ATM: variants seen among roughly 807,000 people sequenced by gnomAD.
The protein encoded by ATM is serine-protein kinase ATM.
Under a neutral mutation model 387.0 loss-of-function variants are expected in ATM, and 308 were observed. The observed-to-expected ratio is 0.80, with a 90% CI of 0.73 to 0.87. The LOEUF (loss-of-function observed/expected upper bound fraction) is 0.87. Ranked by LOEUF, ATM falls within the 40% of genes least tolerant of loss-of-function variation. The pLI, the probability that ATM is intolerant of heterozygous loss-of-function variation, is 0.00. For missense variants in ATM, 3,312 were observed against 3,560.9 expected, an observed-to-expected ratio of 0.93 and a Z score of 1.78; for synonymous variants, 1,156 against 1,187.3, an observed-to-expected ratio of 0.97 and a Z score of 0.54.
At chr11:108,271,471 T>C (rs1235263920) in intron 20 of ATM, 65 bp downstream of exon 20, 2 of 1,549,730 alleles carry the variant, frequency 1.3e-6, no homozygotes, top group East Asian at 2.2e-5. Flanking sequence ...ATGCAAGTTT[T>C]GTATCCACAT....
chr11:108,360,641 T>A (rs925299272), intron 61 of ATM, among the ~76,000 whole-genome samples: 1 of 149,860 alleles, frequency 6.7e-6, no homozygotes, highest in African/African-American at 2.5e-5. Flanking sequence ...GCTGGTTCAA[T>A]ATATGCAAAT....
At chr11:108,278,373 C>T (rs1350491144) in intron 22 of ATM, among the ~76,000 whole-genome samples, 3 of 151,874 alleles carry the variant, frequency 2.0e-5, no homozygotes, top group Admixed American at 6.6e-5. Context: ...TAATATAAGA[C>T]TGAATTGAAT....
intron 16 of ATM, among the ~76,000 whole-genome samples, chr11:108,261,175 T>A (rs1178718627): frequency 6.6e-6 from 1 of 152,224 alleles, no homozygotes; most frequent in Non-Finnish European, 1.5e-5. Flanking sequence ...AGGCTCCACC[T>A]CTGGGGGCAG....
chr11:108,257,096 G>GAT (rs1303823179), intron 14 of ATM, among the ~76,000 whole-genome samples: 1 of 152,184 alleles, frequency 6.6e-6, no homozygotes, highest in Non-Finnish European at 1.5e-5. Context: ...TTGCCACACT[G>GAT]TCTTCCACAA....
At chr11:108,327,617 A>C (rs772581558) in intron 47 of ATM, 28 bp from the exon 48 acceptor site, 4 of 1,561,024 alleles carry the variant, frequency 2.6e-6, no homozygotes, top group Non-Finnish European at 2.6e-6. Context: ...AATGCATTAT[A>C]TTTTAAGATT....
intron 3 of ATM, 113 bp downstream of exon 3, chr11:108,228,001 C>T (rs2078832761): frequency 2.3e-6 from 2 of 867,604 alleles, no homozygotes. Flanking sequence ...TCCTATATAT[C>T]ATTATGCCTT....
rs780662027 is a variant in ATM, at chr11:108,347,261, T to C, written c.8585-18T>C. 1 of 1,547,706 alleles carries C rather than the reference T, an allele frequency of 6.5e-7. No individual in the cohort carries two copies. Among genetic ancestry groups the C allele is most frequent in the South Asian group, 1.1e-5 (1 of 89,788 alleles). ...ATGGAATCAGTGATTTCAGATTGTTTGTTTCTTTTTTCTCCAGTTGGTTAC... is the reference window on the plus strand; with the variant it reads ...ATGGAATCAGTGATTTCAGATTGTTCGTTTCTTTTTTCTCCAGTTGGTTAC... On this transcript the variant is annotated intron_variant, in intron 58 of 62. Coordinates refer to ENST00000675843, the MANE Select transcript of ATM (RefSeq NM_000051.4).
At chr11:108,223,611 A>G (rs1380057994) in intron 1 of ATM, 1 of 152,212 alleles carries the variant, frequency 6.6e-6, no homozygotes, top group Non-Finnish European at 1.5e-5. Context: ...GCCGCTCTCT[A>G]CTGTCTTGTG....
chr11:108,252,835 A>G lies in ATM; in HGVS notation c.1821A>G (p.Val607=), dbSNP rs876660362. 1.2e-6 allele frequency: 2 copies of G among 1,612,026 alleles called. No individual in the cohort carries two copies. The highest frequency in any genetic ancestry group is 1.7e-6 in the Non-Finnish European group (2 of 1,178,492). The change falls in exon 12 of 63, where the codon GTA becomes GTG. Residue 607 remains valine, a synonymous_variant. Coordinates refer to ENST00000675843, the MANE Select transcript of ATM (RefSeq NM_000051.4). ...TTTGTAGTAATTTTCCTCATCTTGT[A>G]CTGGAGAAAATTCTTGTGAGTCTCA... ...PILHSNFPHL[V]LEKILVSLTM...
Position 108,287,682 on chromosome 11 carries a change from CCAGT to C in ATM, c.4080_4083del (p.Ser1360ArgfsTer25). 1 of 1,613,588 alleles carries C rather than the reference CCAGT, an allele frequency of 6.2e-7. No individual in the cohort carries two copies. The highest frequency in any genetic ancestry group is 1.1e-5 in the South Asian group (1 of 91,042). On this transcript the variant is annotated frameshift_variant, in exon 27 of 63. Coordinates refer to ENST00000675843, the MANE Select transcript of ATM (RefSeq NM_000051.4). LOFTEE classifies it high-confidence loss of function. ...TTACATGAGCCAGCAAATTCTAGTG[CCAGT>C]CAGAGCACTGACCTCTGTGACTTTT...
chr11:108,349,020 A>T (rs937770043), intron 59 of ATM, among the ~76,000 whole-genome samples: 2 of 152,184 alleles, frequency 1.3e-5, no homozygotes, highest in East Asian at 3.9e-4. Flanking sequence ...TTTCAGTTGA[A>T]GTCACTGGGC....
chr11:108,250,828 G>A lies in ATM; in HGVS notation c.1363G>A (p.Val455Met), dbSNP rs368879876. 10 of 1,614,074 alleles carry A rather than the reference G, an allele frequency of 6.2e-6. No homozygotes were observed. Among genetic ancestry groups the A allele is most frequent in the South Asian group, 5.5e-5 (5 of 91,086 alleles). ...GCGACATGGGGAACGTACACCATAT[G>A]TGTTACGATGCCTTACGGAAGTTGC... ...QQRHGERTPY[V>M]LRCLTEVALC... Residue 455 changes from valine to methionine, a missense_variant, in exon 10 of 63, where the codon GTG (valine) becomes ATG (methionine). By Grantham distance (21) the Val-to-Met change is conservative (BLOSUM62 1). This residue lies in a region of ATM where 1,791 missense variants were observed against 1,804.5 expected (regional missense o/e 0.99). Transcript: ENST00000675843.
chr11:108,282,831 C>G lies in ATM; in HGVS notation c.3698C>G (p.Ser1233Cys). 6.5e-7 allele frequency: 1 copy of G among 1,538,408 alleles called. No individual in the cohort carries two copies. The highest frequency in any genetic ancestry group is 9.0e-7 in the Non-Finnish European group (1 of 1,113,806). The change falls in exon 25 of 63, where the codon TCT becomes TGT. Residue 1233 changes from serine (S) to cysteine (C), a missense_variant. Transcript: ENST00000675843. ...CAAGATACTGAATACAACTTATCTT[C>G]TTTTCCTTTTATTTTATTAAACTAC... is the stretch of plus-strand genomic sequence containing the variant. ...NLQDTEYNLS[S>C]FPFILLNYTN...
At chr11:108,304,650 G>T (rs2083587688) in intron 36 of ATM, 25 bp from the exon 37 acceptor site, 4 of 1,606,098 alleles carry the variant, frequency 2.5e-6, no homozygotes, top group African/African-American at 1.3e-5. Context: ...TCAAACTATT[G>T]GGTGGATTTG....
intron 5 of ATM, chr11:108,236,414 TC>T (rs1032365627): frequency 6.4e-6 from 1 of 157,274 alleles, no homozygotes; most frequent in Non-Finnish European, 1.4e-5. Flanking sequence ...TTGCTTGTAG[TC>T]CCAGTTACTT....
At chr11:108,326,435 G>A (rs2085692673) in intron 47 of ATM, among the ~76,000 whole-genome samples, 1 of 152,036 alleles carries the variant, frequency 6.6e-6, no homozygotes, top group Admixed American at 6.6e-5. Context: ...TCCATCATGT[G>A]GTCGATTCAT....
chr11:108,293,578 T>C lies in ATM; in HGVS notation c.4776+101T>C, dbSNP rs1450193585. ...GCAGTAAAAAATGGAATCTTTTCTTTAATTGTGATTAAAAATATATACGTA... is the reference window on the plus strand; with the variant it reads ...GCAGTAAAAAATGGAATCTTTTCTTCAATTGTGATTAAAAATATATACGTA... On this transcript the variant is annotated intron_variant, in intron 31 of 62. Transcript: ENST00000675843. 6 of 1,084,018 alleles carry C rather than the reference T, an allele frequency of 5.5e-6. No individual in the cohort carries two copies. In the East Asian group the frequency reaches 1.2e-4, roughly 22 times the overall value. 67.1% of individuals were successfully genotyped at this position (1,084,018 alleles called of 1,614,324 possible).
Position 108,273,327 on chromosome 11 carries a change from C to T in ATM, c.3284+475C>T, listed in dbSNP as rs995558021. On this transcript the variant is annotated intron_variant, in intron 22 of 62. Coordinates refer to ENST00000675843, the MANE Select transcript of ATM (RefSeq NM_000051.4). ...TACTGGAATAAACATATATTAATTT[C>T]ATTCTTTTTTTTTTTTTTTTTTTTT... Among the ~76,000 whole-genome samples, 362 of 116,122 alleles carry T rather than the reference C, an allele frequency of 3.1e-3. 5 individuals carry two copies. Among genetic ancestry groups the T allele is most frequent in the Middle Eastern group, 0.015 (3 of 206 alleles). 76.2% of individuals were successfully genotyped at this position (116,122 alleles called of 152,430 possible).
chr11:108,325,217 A>T lies in ATM; in HGVS notation c.6573-93A>T, dbSNP rs955506555. 1.8e-5 allele frequency: 15 copies of T among 846,404 alleles called. No homozygotes were observed. In the African/African-American group the frequency reaches 2.5e-4, roughly 14 times the overall value. The allele number at this position is 846,404 out of a possible 1,614,324, so 52.4% of individuals were successfully genotyped here. On this transcript the variant is annotated intron_variant, in intron 45 of 62. Transcript: ENST00000675843. ...TACAAAAGTTCCTTTGTATTATTAT[A>T]ATATTATATCGTAAGTTCCAGAACT...
Sources: allele counts gnomAD v4.1 joint callset (sites outside exome capture counted in the v4.1 genomes callset), GRCh38; gene constraint gnomAD v4.1.1; regional missense constraint gnomAD v4.1.1; transcripts MANE v1.5; gene names NCBI Gene and HGNC (gene_info 2026-07-23, HGNC 2026-07-21).